CFAP58: variants seen among roughly 807,000 people sequenced by gnomAD.
The protein encoded by CFAP58 is cilia and flagella associated protein 58, also known as cilia- and flagella-associated protein 58.
In CFAP58, 88 loss-of-function variants were observed where a neutral mutation model predicts 119.5. That is an observed-to-expected ratio of 0.74 (90% CI 0.62 to 0.88). The LOEUF is 0.88. Ranked by LOEUF, CFAP58 falls within the 40% of genes least tolerant of loss-of-function variation. The pLI, the probability that CFAP58 is intolerant of heterozygous loss-of-function variation, is 0.00. For synonymous variants in CFAP58, 365 were observed against 366.3 expected (o/e 1.00, Z 0.04); for missense variants, 990 against 1,021.2 (o/e 0.97, Z 0.42).
intron 9 of CFAP58, among the ~76,000 whole-genome samples, chr10:104,388,338 A>T (rs951767652): frequency 1.3e-5 from 2 of 152,232 alleles, no homozygotes; most frequent in African/African-American, 4.8e-5. Context: ...CTAAGTACTT[A>T]TATGCTGGCG....
rs763390064 is a variant in CFAP58, at chr10:104,392,345, C to T, written c.1478C>T (p.Ala493Val). 5 of 1,610,640 alleles carry T rather than the reference C, an allele frequency of 3.1e-6. No individual in the cohort carries two copies. In the Admixed American group the frequency reaches 5.1e-5, roughly 16 times the overall value. The change falls in exon 10 of 18, where the codon GCT becomes GTT. Residue 493 changes from alanine to valine, a missense_variant. Ala to Val is a moderately conservative substitution (Grantham distance 64). Coordinates refer to ENST00000369704, the MANE Select transcript of CFAP58 (RefSeq NM_001008723.2). Reference sequence around the variant, plus strand: ...AAACAGCAACAGAACCTATATGAAGCTGTGAGATCAGACAGAAATCTGTAT... The same window carrying T: ...AAACAGCAACAGAACCTATATGAAGTTGTGAGATCAGACAGAAATCTGTAT... Reference protein sequence around the residue: ...KLKQQQNLYEAVRSDRNLYSK... With the variant: ...KLKQQQNLYEVVRSDRNLYSK...
At chr10:104,363,342 T>C (rs72825876) in intron 3 of CFAP58, among the ~76,000 whole-genome samples, 4,216 of 152,346 alleles carry the variant, frequency 0.028, 79 homozygotes, top group African/African-American at 0.045. Flanking sequence ...ATACACTTCC[T>C]TGGGCAGCCA....
At chr10:104,417,744 G>T (rs1004467998) in intron 15 of CFAP58, among the ~76,000 whole-genome samples, 3 of 152,204 alleles carry the variant, frequency 2.0e-5, no homozygotes, top group African/African-American at 7.2e-5. Context: ...CCTGTGCTGA[G>T]CATCTGCTTT....
intron 17 of CFAP58, among the ~76,000 whole-genome samples, chr10:104,452,429 G>C (rs1483534212): frequency 6.6e-6 from 1 of 152,166 alleles, no homozygotes; most frequent in Admixed American, 6.5e-5. Context: ...TAGCTTGGCT[G>C]TTTATTATCT....
At position 104,400,670 on chromosome 10, in the gene CFAP58, A is replaced by T; in HGVS notation, c.1816-10A>T. On this transcript the variant is annotated splice_polypyrimidine_tract_variant and intron_variant, in intron 12 of 17. Transcript: ENST00000369704. ...TTCCCTGGTGACTATGCCCCTCCCTACCTTCCTAGGTCATCAGTGAGAGAG... is the reference window on the plus strand; with the variant it reads ...TTCCCTGGTGACTATGCCCCTCCCTTCCTTCCTAGGTCATCAGTGAGAGAG... 1 of 1,611,488 alleles carries T rather than the reference A, an allele frequency of 6.2e-7. No homozygotes were observed. The highest frequency in any genetic ancestry group is 8.5e-7 in the Non-Finnish European group (1 of 1,178,446).
intron 2 of CFAP58, among the ~76,000 whole-genome samples, chr10:104,360,765 A>G (rs764572154): frequency 6.6e-6 from 1 of 152,202 alleles, no homozygotes; most frequent in Non-Finnish European, 1.5e-5. Context: ...TAGTTTGCTA[A>G]GGATAATGGA....
At chr10:104,374,299 GA>G (rs1201954184) in intron 7 of CFAP58, among the ~76,000 whole-genome samples, 25 of 143,506 alleles carry the variant, frequency 1.7e-4, no homozygotes, top group African/African-American at 3.6e-4. Context: ...ATCTCTACCA[GA>G]AAAAAAAAAG....
intron 15 of CFAP58, among the ~76,000 whole-genome samples, chr10:104,444,430 A>G (rs540505023): frequency 2.0e-5 from 3 of 152,346 alleles, no homozygotes; most frequent in South Asian, 4.1e-4. Flanking sequence ...CTGTTGCATA[A>G]GATAGATTCT....
intron 15 of CFAP58, among the ~76,000 whole-genome samples, chr10:104,445,534 C>A (rs953703565): frequency 2.0e-5 from 3 of 152,162 alleles, no homozygotes; most frequent in Admixed American, 2.0e-4. Context: ...CTCTTACCAT[C>A]ATTACTCTCT....
chr10:104,399,052 T>G (rs1306196327), intron 11 of CFAP58, among the ~76,000 whole-genome samples: 3 of 152,108 alleles, frequency 2.0e-5, no homozygotes, highest in Admixed American at 2.0e-4. Context: ...TGGTAAGAGA[T>G]GAAGTGCTGC....
chr10:104,361,426 T>C (rs2014665182), intron 2 of CFAP58, among the ~76,000 whole-genome samples: 1 of 152,238 alleles, frequency 6.6e-6, no homozygotes, highest in African/African-American at 2.4e-5. Flanking sequence ...ACATTGTCAC[T>C]AGGAGATCAC....
At chr10:104,377,928 TA>T (rs1229287306) in intron 8 of CFAP58, among the ~76,000 whole-genome samples, 1 of 152,210 alleles carries the variant, frequency 6.6e-6, no homozygotes, top group East Asian at 1.9e-4. Flanking sequence ...ATATAAACAA[TA>T]GTGTTGGATT....
In CFAP58 at chr10:104,383,970, G is replaced by A. The variant is rs2011872607; in HGVS notation, c.1365+3750G>A. On this transcript the variant is annotated intron_variant, in intron 9 of 17. Coordinates refer to ENST00000369704, the MANE Select transcript of CFAP58 (RefSeq NM_001008723.2). ...TTTTTAAGAAAAAACTGAATCTAAT[G>A]AAAAATAAGAAATGGAGAGATTTAT... 2.0e-5 allele frequency among the ~76,000 whole-genome samples: 3 copies of A among 151,976 alleles called. No homozygotes were observed. The South Asian group carries it at 6.2e-4, about 32-fold the overall frequency.
In CFAP58 at chr10:104,370,931, A is replaced by G; in HGVS notation, c.967A>G (p.Ile323Val). 3 of 1,613,536 alleles carry G rather than the reference A, an allele frequency of 1.9e-6. No individual in the cohort carries two copies. Among genetic ancestry groups the G allele is most frequent in the Non-Finnish European group, 2.5e-6 (3 of 1,179,872 alleles). Residue 323 changes from isoleucine to valine, a missense_variant, in exon 7 of 18, where the codon ATC becomes GTC. Coordinates refer to ENST00000369704, the MANE Select transcript of CFAP58 (RefSeq NM_001008723.2). ...AGAAGTCCATCAAATGCGCCTTGACATCGGGAAGCTCAACAAAATCAGAGA... is the reference window on the plus strand; with the variant it reads ...AGAAGTCCATCAAATGCGCCTTGACGTCGGGAAGCTCAACAAAATCAGAGA... Reference protein sequence around the residue: ...EEEVHQMRLDIGKLNKIREQI... With the variant: ...EEEVHQMRLDVGKLNKIREQI...
At chr10:104,375,454 C>T (rs2011639199) in intron 7 of CFAP58, among the ~76,000 whole-genome samples, 1 of 152,128 alleles carries the variant, frequency 6.6e-6, no homozygotes, top group South Asian at 2.1e-4. Flanking sequence ...GTAGCTCATG[C>T]CTGCCTGTAA....
Position 104,454,682 on chromosome 10 carries a change from G to T in CFAP58, c.*152G>T. 1.6e-6 allele frequency: 1 copy of T among 617,580 alleles called. No homozygotes were observed. The highest frequency in any genetic ancestry group is 2.9e-6 in the Non-Finnish European group (1 of 344,352). 38.3% of individuals were successfully genotyped at this position (617,580 alleles called of 1,614,324 possible). A position where few individuals can be genotyped will look rare whatever the true frequency, so the allele number is the denominator to read the frequency against. On this transcript the variant is annotated 3_prime_UTR_variant, in exon 18 of 18. Coordinates refer to ENST00000369704, the MANE Select transcript of CFAP58 (RefSeq NM_001008723.2). ...AACTATCATAGTCACATACATATAA[G>T]AGGGATGGTGTTTTGTCTGGTTCAC... is the stretch of plus-strand genomic sequence containing the variant.
intron 1 of CFAP58, 80 bp from the exon 2 acceptor site, chr10:104,358,261 A>ATATG: frequency 7.1e-7 from 1 of 1,414,714 alleles, no homozygotes; most frequent in African/African-American, 1.4e-5. Context: ...TGTTTCATTC[A>ATATG]GAGGTAATAG....
At chr10:104,374,453 G>GA (rs71022730) in intron 7 of CFAP58, among the ~76,000 whole-genome samples, 4,878 of 30,716 alleles carry the variant, frequency 0.16, 963 homozygotes, top group Non-Finnish European at 0.22. Context: ...CTTGTTTCAG[G>GA]AAAAAAAAAA....
At chr10:104,400,541 G>A in intron 12 of CFAP58, 139 bp from the exon 13 acceptor site, 2 of 682,318 alleles carry the variant, frequency 2.9e-6, no homozygotes, top group Non-Finnish European at 5.2e-6. Flanking sequence ...TGTCTAGCCA[G>A]CTCTTTCCAG....
Sources: gnomAD v4.1 joint callset for allele counts (sites outside exome capture counted in the v4.1 genomes callset) on GRCh38, gnomAD v4.1.1 for gene constraint, MANE v1.5 for transcripts, NCBI Gene and HGNC (gene_info 2026-07-23, HGNC 2026-07-21) for gene names.